STAMBPL1: variants seen among roughly 807,000 people sequenced by gnomAD.
STAMBPL1 encodes AMSH-like protease.
Under a neutral mutation model 52.9 loss-of-function variants are expected in STAMBPL1, and 44 were observed. That is an observed-to-expected ratio of 0.83 (90% CI 0.65 to 1.07). STAMBPL1 has a LOEUF of 1.07. Ranked by LOEUF, STAMBPL1 falls within the 50% of genes least tolerant of loss-of-function variation. The pLI is 0.00. For synonymous variants in STAMBPL1, 164 were observed against 177.3 expected, an observed-to-expected ratio of 0.92 and a Z score of 0.60; for missense variants, 511 against 520.8, an observed-to-expected ratio of 0.98 and a Z score of 0.18.
intron 1 of STAMBPL1, among the ~76,000 whole-genome samples, chr10:88,889,828 A>G (rs547487581): frequency 6.6e-6 from 1 of 152,336 alleles, no homozygotes; most frequent in African/African-American, 2.4e-5. Flanking sequence ...CTTCTGGGCA[A>G]GGATCCTTTC....
intron 1 of STAMBPL1, among the ~76,000 whole-genome samples, chr10:88,888,375 C>T (rs555854503): frequency 3.3e-5 from 5 of 152,190 alleles, no homozygotes; most frequent in African/African-American, 1.2e-4. Context: ...ACACACAGTA[C>T]CTTGTCCAGA....
At chr10:88,901,477 A>G (rs1844941940) in intron 1 of STAMBPL1, 179 bp from the exon 2 acceptor site, 1 of 387,356 alleles carries the variant, frequency 2.6e-6, no homozygotes, top group African/African-American at 2.1e-5. Context: ...GGAAACTATA[A>G]CCACTTGCAG....
intron 2 of STAMBPL1, among the ~76,000 whole-genome samples, 197 bp downstream of exon 2, chr10:88,901,935 T>C (rs1452545691): frequency 6.6e-6 from 1 of 152,232 alleles, no homozygotes; most frequent in African/African-American, 2.4e-5. Flanking sequence ...AATTTTATTT[T>C]CCACAAAAGT....
chr10:88,900,518 A>G (rs1485114001), intron 1 of STAMBPL1, among the ~76,000 whole-genome samples: 2 of 152,206 alleles, frequency 1.3e-5, no homozygotes, highest in African/African-American at 4.8e-5. Flanking sequence ...GATTCTAATA[A>G]TAGCTAACAT....
chr10:88,916,796 C>T lies in STAMBPL1; in HGVS notation c.1020C>T (p.Leu340=). 1 of 1,608,082 alleles carries T rather than the reference C, an allele frequency of 6.2e-7. No individual in the cohort carries two copies. Among genetic ancestry groups the T allele is most frequent in the Non-Finnish European group, 8.5e-7 (1 of 1,177,286 alleles). The change falls in exon 8 of 11, where the codon CTC becomes CTT. Residue 340 remains leucine (L), a synonymous_variant. Coordinates refer to ENST00000371926, the MANE Select transcript of STAMBPL1 (RefSeq NM_020799.4). ...ELFNVQDQHD[L]LTLGWIHTHP... ...TCAATGTTCAGGATCAACATGATCTCCTCACTCTAGGATGGATCCATGTAC... is the reference window on the plus strand; with the variant it reads ...TCAATGTTCAGGATCAACATGATCTTCTCACTCTAGGATGGATCCATGTAC...
chr10:88,921,209 T>A, intron 8 of STAMBPL1, 74 bp from the exon 9 acceptor site: 1 of 1,187,028 alleles, frequency 8.4e-7, no homozygotes, highest in Non-Finnish European at 1.2e-6. Flanking sequence ...AAAAACAGAG[T>A]TTTCTATTAA....
chr10:88,914,576 A>T lies in STAMBPL1; in HGVS notation c.821A>T (p.Asp274Val), dbSNP rs758305864. Reference sequence around the variant, plus strand: ...CTGCGATGTGTAGTTTTGCCAGAAGATCTTTGCCACAAATTTCTGCAACTG... The same window carrying T: ...CTGCGATGTGTAGTTTTGCCAGAAGTTCTTTGCCACAAATTTCTGCAACTG... ...EGLRCVVLPE[D>V]LCHKFLQLAE... The change falls in exon 7 of 11, where the codon GAT becomes GTT. Residue 274 changes from aspartate to valine, a missense_variant. Physicochemically the swap from Asp to Val is radical, Grantham distance 152. Transcript: ENST00000371926. 3 of 1,540,452 alleles carry T rather than the reference A, an allele frequency of 1.9e-6. No homozygotes were observed. Among genetic ancestry groups the T allele is most frequent in the South Asian group, 2.5e-5 (2 of 80,056 alleles).
At chr10:88,896,237 A>C (rs1438921712) in intron 1 of STAMBPL1, among the ~76,000 whole-genome samples, 1 of 152,340 alleles carries the variant, frequency 6.6e-6, no homozygotes, top group East Asian at 1.9e-4. Context: ...AAGTGTAAAA[A>C]CAAATCAATG....
At chr10:88,906,594 A>G (rs571530371) in intron 3 of STAMBPL1, among the ~76,000 whole-genome samples, 2 of 152,322 alleles carry the variant, frequency 1.3e-5, no homozygotes, top group African/African-American at 4.8e-5. Flanking sequence ...AAGACAATTA[A>G]CATATTTATT....
chr10:88,899,634 C>T (rs1362654132), intron 1 of STAMBPL1, among the ~76,000 whole-genome samples: 1 of 152,152 alleles, frequency 6.6e-6, no homozygotes, highest in African/African-American at 2.4e-5. Context: ...CTCAGCCTCC[C>T]TAGTAGCTGG....
At position 88,916,703 on chromosome 10, in the gene STAMBPL1, C is replaced by T; in HGVS notation, c.927C>T (p.Thr309=). The T allele has an allele frequency of 6.2e-7, 1 of 1,604,670 alleles. No homozygotes were observed. The highest frequency in any genetic ancestry group is 8.5e-7 in the Non-Finnish European group (1 of 1,176,082). Residue 309 remains threonine (T), a synonymous_variant, in exon 8 of 11, where the codon ACC becomes ACT. Coordinates refer to ENST00000371926, the MANE Select transcript of STAMBPL1 (RefSeq NM_020799.4). ...AGACACATAATGAATTTACTATTAC[C>T]CATGTAATTGTGCCAAAGCAGTCTG... ...GKLTHNEFTI[T]HVIVPKQSAG... is the part of the protein sequence containing the mutation.
intron 2 of STAMBPL1, among the ~76,000 whole-genome samples, chr10:88,903,343 C>T (rs2133169555): frequency 6.6e-6 from 1 of 152,342 alleles, no homozygotes; most frequent in African/African-American, 2.4e-5. Flanking sequence ...CCTTCTCTCA[C>T]TTCCGTCTGT....
In STAMBPL1 at chr10:88,910,989, A is replaced by C; in HGVS notation, c.398A>C (p.Tyr133Ser). The C allele has an allele frequency of 6.3e-7, 1 of 1,592,222 alleles. No homozygotes were observed. Among genetic ancestry groups the C allele is most frequent in the Non-Finnish European group, 8.5e-7 (1 of 1,171,990 alleles). ...CTTTTAAAGAAATATAACGTAGAAT[A>C]CCAAGAATATTTGCAAAGCAAAGTA... ...NDLLKKYNVE[Y>S]QEYLQSKNKY... The change falls in exon 5 of 11, where the codon TAC (tyrosine) becomes TCC (serine). Residue 133 changes from tyrosine (Y) to serine (S), a missense_variant. By Grantham distance (144) the Tyr-to-Ser change is moderately radical. Coordinates refer to ENST00000371926, the MANE Select transcript of STAMBPL1 (RefSeq NM_020799.4).
intron 7 of STAMBPL1, among the ~76,000 whole-genome samples, chr10:88,916,077 G>A (rs1022023238): frequency 6.6e-6 from 1 of 151,998 alleles, no homozygotes; most frequent in Non-Finnish European, 1.5e-5. Context: ...TGCCTAAGGG[G>A]GGTAATTTGT....
chr10:88,914,759 C>A (rs1845327472), intron 7 of STAMBPL1, 101 bp downstream of exon 7: 2 of 458,626 alleles, frequency 4.4e-6, no homozygotes, highest in Non-Finnish European at 6.4e-6. Context: ...TAAAACCATG[C>A]TAAGAGTTAT....
chr10:88,913,068 C>G, intron 5 of STAMBPL1, 33 bp from the exon 6 acceptor site: 10 of 1,522,798 alleles, frequency 6.6e-6, no homozygotes, highest in Non-Finnish European at 8.8e-6. Context: ...TCCTTGGAAA[C>G]TAACCTTCTC....
At chr10:88,898,203 T>C (rs996220916) in intron 1 of STAMBPL1, among the ~76,000 whole-genome samples, 1 of 152,240 alleles carries the variant, frequency 6.6e-6, no homozygotes, top group African/African-American at 2.4e-5. Flanking sequence ...TTATATTTAC[T>C]GTATTAAAAA....
chr10:88,903,804 A>G (rs1425326768), intron 2 of STAMBPL1, among the ~76,000 whole-genome samples: 1 of 152,212 alleles, frequency 6.6e-6, no homozygotes, highest in Admixed American at 6.5e-5. Flanking sequence ...TCTGTCTCTG[A>G]TGTGGGGAAG....
At chr10:88,908,356 A>G (rs1845129076) in intron 3 of STAMBPL1, among the ~76,000 whole-genome samples, 1 of 152,080 alleles carries the variant, frequency 6.6e-6, no homozygotes, top group Non-Finnish European at 1.5e-5. Context: ...ATGCTCTGAT[A>G]TTTTTATGTG....
Sources: allele counts gnomAD v4.1 joint callset (sites outside exome capture counted in the v4.1 genomes callset), GRCh38; gene constraint gnomAD v4.1.1; transcripts MANE v1.5; gene names NCBI Gene and HGNC (gene_info 2026-07-23, HGNC 2026-07-21).